MACROD2: variants seen among roughly 807,000 people sequenced by gnomAD.
The protein encoded by MACROD2 is ADP-ribose glycohydrolase MACROD2.
A neutral mutation model predicts 70.4 loss-of-function variants in MACROD2; 36 were observed. The observed-to-expected ratio is 0.51, with a 90% CI of 0.39 to 0.68. The LOEUF (loss-of-function observed/expected upper bound fraction) is 0.68, where lower values mean the gene tolerates loss of function less well. Ranked by LOEUF, MACROD2 falls within the 30% of genes least tolerant of loss-of-function variation. The pLI is 0.00. For synonymous variants in MACROD2, 172 were observed against 178.8 expected, an observed-to-expected ratio of 0.96 and a Z score of 0.30; for missense variants, 496 against 538.4, an observed-to-expected ratio of 0.92 and a Z score of 0.78.
At chr20:15,368,247 C>T (rs2045440151) in intron 6 of MACROD2, among the ~76,000 whole-genome samples, 1 of 151,222 alleles carries the variant, frequency 6.6e-6, no homozygotes, top group African/African-American at 2.4e-5. Flanking sequence ...TGAGTAAGAA[C>T]ACTAAGGAGG....
At chr20:14,455,713 T>C (rs2084293899) in intron 3 of MACROD2, among the ~76,000 whole-genome samples, 1 of 151,806 alleles carries the variant, frequency 6.6e-6, no homozygotes, top group Non-Finnish European at 1.5e-5. Context: ...CATTATTTTT[T>C]GCCCTAACTA....
intron 6 of MACROD2, among the ~76,000 whole-genome samples, chr20:15,375,055 C>T (rs750737461): frequency 2.6e-5 from 4 of 152,186 alleles, no homozygotes; most frequent in Admixed American, 1.3e-4. Context: ...TACTTGTGTA[C>T]TCTTGCATTT....
intron 8 of MACROD2, among the ~76,000 whole-genome samples, chr20:15,641,513 G>C (rs1188934326): frequency 6.6e-6 from 1 of 152,198 alleles, no homozygotes; most frequent in Admixed American, 6.5e-5. Context: ...CACCCAGAGA[G>C]ACAAGCTTTT....
intron 3 of MACROD2, among the ~76,000 whole-genome samples, chr20:14,275,937 C>T (rs2082250510): frequency 6.6e-6 from 1 of 152,222 alleles, no homozygotes; most frequent in South Asian, 2.1e-4. Context: ...GATACCATCT[C>T]ACATCAGTTA....
At chr20:15,430,352 T>A (rs1238576669) in intron 6 of MACROD2, among the ~76,000 whole-genome samples, 1 of 152,112 alleles carries the variant, frequency 6.6e-6, no homozygotes, top group Non-Finnish European at 1.5e-5. Flanking sequence ...CTTTAGTTCT[T>A]TGAGAAATCT....
intron 8 of MACROD2, among the ~76,000 whole-genome samples, chr20:15,688,322 TCTC>T (rs1355010381): frequency 6.6e-6 from 1 of 151,994 alleles, no homozygotes; most frequent in Admixed American, 6.6e-5. Context: ...ACAGATGAAG[TCTC>T]CTCAGGTCAG....
At chr20:14,346,409 A>G (rs995308189) in intron 3 of MACROD2, among the ~76,000 whole-genome samples, 3 of 152,032 alleles carry the variant, frequency 2.0e-5, no homozygotes, top group African/African-American at 4.8e-5. Context: ...CTCCTACATT[A>G]TCTGATTCTG....
In MACROD2 at chr20:15,129,196, CTG is replaced by C. The variant is rs530639770; in HGVS notation, c.419-100742_419-100741del. ...TGGAAAATTTTTTAAAAGCTAAAAT[CTG>C]TATTTAATATATGGATTGAAGAAAC... On this transcript the variant is annotated intron_variant, in intron 5 of 17. Transcript: ENST00000684519. 2.1e-3 allele frequency among the ~76,000 whole-genome samples: 312 copies of C among 151,978 alleles called. 3 individuals are homozygous for C. Among genetic ancestry groups the C allele is most frequent in the African/African-American group, 6.9e-3 (285 of 41,482 alleles).
chr20:15,590,296 A>G (rs2048660096), intron 8 of MACROD2, among the ~76,000 whole-genome samples: 1 of 152,172 alleles, frequency 6.6e-6, no homozygotes, highest in African/African-American at 2.4e-5. Context: ...TTGTGAGGCA[A>G]GAGTTCATAT....
chr20:14,819,120 G>T (rs112455324), intron 5 of MACROD2, among the ~76,000 whole-genome samples: 7,254 of 151,498 alleles, frequency 0.048, 291 homozygotes, highest in Middle Eastern at 0.22. Context: ...CAGAAAAATT[G>T]CTGGGTGTGG....
chr20:15,892,837 T>G, intron 10 of MACROD2: 1 of 396,710 alleles, frequency 2.5e-6, no homozygotes, highest in Non-Finnish European at 4.4e-6. Context: ...TGTGTAGGTT[T>G]ACTAAGAAGA....
intron 3 of MACROD2, chr20:14,086,165 A>C (rs1299278883): frequency 2.8e-6 from 1 of 362,522 alleles, no homozygotes; most frequent in Non-Finnish European, 5.5e-6. Flanking sequence ...AAATTATTTC[A>C]GTTATTTCAA....
chr20:14,550,750 C>A (rs1037426843), intron 4 of MACROD2, among the ~76,000 whole-genome samples: 2 of 152,214 alleles, frequency 1.3e-5, no homozygotes, highest in Non-Finnish European at 2.9e-5. Context: ...ATCATTGTAA[C>A]TCCAGTGCCT....
rs1372108156 is a variant in MACROD2 at position 14,797,467 on chromosome 20, C to A, written c.418+112508C>A. Among the ~76,000 whole-genome samples the A allele has an allele frequency of 4.6e-5, 7 of 152,004 alleles. 1 individual carries two copies. Among genetic ancestry groups the A allele is most frequent in the African/African-American group, 1.7e-4 (7 of 41,358 alleles). On this transcript the variant is annotated intron_variant, in intron 5 of 17. Coordinates refer to ENST00000684519, the MANE Select transcript of MACROD2 (RefSeq NM_001351661.2). Reference sequence around the variant, plus strand: ...CTCTGCTCCAGACATACTGGCCTTCCTTTCTGGACTATGCCAAGCCCCTTC... The same window carrying A: ...CTCTGCTCCAGACATACTGGCCTTCATTTCTGGACTATGCCAAGCCCCTTC...
In MACROD2 at chr20:15,409,108, T is replaced by TTGGA. The variant is rs763909732; in HGVS notation, c.541-22295_541-22292dup. 3.0e-4 allele frequency among the ~76,000 whole-genome samples: 46 copies of TTGGA among 152,290 alleles called. No homozygotes were observed. The South Asian group carries it at 4.4e-3, about 14-fold the overall frequency. On this transcript the variant is annotated intron_variant, in intron 6 of 17. Transcript: ENST00000684519. ...AAGCTCCCATGCTAGCCAGTTCTGG[T>TTGGA]TGGATATAGGTCAGCTGTGTACAAA...
chr20:15,005,996 C>A (rs77428646), intron 5 of MACROD2, among the ~76,000 whole-genome samples: 2 of 152,020 alleles, frequency 1.3e-5, no homozygotes, highest in African/African-American at 4.8e-5. Context: ...CCTGACATAT[C>A]GTCTCTAGCC....
At chr20:15,901,009 C>T (rs994724900) in intron 10 of MACROD2, among the ~76,000 whole-genome samples, 2 of 152,272 alleles carry the variant, frequency 1.3e-5, no homozygotes, top group African/African-American at 2.4e-5. Flanking sequence ...GAGCTCCCTC[C>T]CACCAAAGAC....
At chr20:14,131,504 A>G (rs902788797) in intron 3 of MACROD2, among the ~76,000 whole-genome samples, 5 of 152,182 alleles carry the variant, frequency 3.3e-5, no homozygotes, top group African/African-American at 1.2e-4. Context: ...TGTCTGCAAC[A>G]TTTCTTTATC....
chr20:15,499,325 T>C (rs1278184747), intron 7 of MACROD2, among the ~76,000 whole-genome samples: 1 of 152,166 alleles, frequency 6.6e-6, no homozygotes, highest in Non-Finnish European at 1.5e-5. Context: ...GTATGTTTCA[T>C]TGGTGGAGTT....
Sources: gnomAD v4.1 joint callset for allele counts (sites outside exome capture counted in the v4.1 genomes callset) on GRCh38, gnomAD v4.1.1 for gene constraint, MANE v1.5 for transcripts, NCBI Gene and HGNC (gene_info 2026-07-23, HGNC 2026-07-21) for gene names.